Variants in PCYT1B observed in about 807,000 individuals in gnomAD.
PCYT1B encodes choline-phosphate cytidylyltransferase B.
PCYT1B carries 10 observed loss-of-function variants against 26.4 expected under a neutral mutation model. The ratio of observed to expected loss-of-function variants is 0.38; its 90% CI spans 0.23 to 0.64. The LOEUF (loss-of-function observed/expected upper bound fraction) is 0.64. Among genes scored for constraint, PCYT1B ranks in the 30% least tolerant of loss-of-function variants. The probability of loss-of-function intolerance (pLI) is 0.56; values close to 1 mark genes in which losing one functional copy is unlikely to be tolerated. For synonymous variants in PCYT1B, 131 were observed against 108.4 expected, an observed-to-expected ratio of 1.21 and a Z score of -1.29; for missense variants, 161 against 292.7, an observed-to-expected ratio of 0.55 and a Z score of 3.28.
At chrX:24,641,159 C>A in intron 1 of PCYT1B, among the ~76,000 whole-genome samples, 1 of 111,749 alleles carries the variant, frequency 8.9e-6, no homozygotes, top group East Asian at 2.8e-4. Flanking sequence ...GTCTTGAACT[C>A]CTGACCTCAA....
chrX:24,616,764 A>AAG (rs1925513293), intron 2 of PCYT1B, among the ~76,000 whole-genome samples: 2 of 111,974 alleles, frequency 1.8e-5, no homozygotes, highest in South Asian at 7.5e-4. Context: ...CCTGGGAACA[A>AAG]CAGCTTTGGC....
At chrX:24,630,354 G>A (rs1222790528) in intron 1 of PCYT1B, among the ~76,000 whole-genome samples, 1 of 111,526 alleles carries the variant, frequency 9.0e-6, no homozygotes, top group Non-Finnish European at 1.9e-5. Context: ...GGAGTGCAGT[G>A]GCGCGATCTC....
intron 7 of PCYT1B, among the ~76,000 whole-genome samples, chrX:24,563,332 G>A (rs1271705346): frequency 1.8e-5 from 2 of 111,758 alleles, no homozygotes; most frequent in Non-Finnish European, 3.8e-5. Context: ...CTGAGAAAAC[G>A]CTTCTTGAGT....
intron 1 of PCYT1B, among the ~76,000 whole-genome samples, chrX:24,643,334 C>T (rs1926524502): frequency 9.0e-6 from 1 of 111,665 alleles, no homozygotes; most frequent in South Asian, 3.8e-4. Context: ...CTCAGTTTCT[C>T]ATCTTGACAG....
chrX:24,631,575 C>T (rs1203967886), intron 1 of PCYT1B, among the ~76,000 whole-genome samples: 2 of 112,083 alleles, frequency 1.8e-5, no homozygotes, highest in African/African-American at 3.2e-5. Flanking sequence ...GAAGCATTTT[C>T]GCATTCTCCT....
intron 3 of PCYT1B, among the ~76,000 whole-genome samples, chrX:24,593,788 AAGTGCTGGGATTATAGGC>A (rs2148237183): frequency 9.0e-6 from 1 of 110,632 alleles, no homozygotes; most frequent in South Asian, 3.8e-4. Context: ...CAGCCTCCCA[AAGTGCTGGGATTATAGGC>A]GTGAGCCACC....
chrX:24,609,367 C>T (rs971440426), intron 2 of PCYT1B, among the ~76,000 whole-genome samples: 4 of 111,339 alleles, frequency 3.6e-5, no homozygotes, highest in Non-Finnish European at 7.5e-5. Context: ...GACAGGGTTT[C>T]ACCATGGTGG....
chrX:24,584,242 T>A (rs1232473457), intron 5 of PCYT1B, among the ~76,000 whole-genome samples: 1 of 111,575 alleles, frequency 9.0e-6, no homozygotes, highest in Non-Finnish European at 1.9e-5. Flanking sequence ...GGTGGGAGGA[T>A]CGCCTGAGCC....
chrX:24,645,379 CATATAT>C (rs925669677), intron 1 of PCYT1B, among the ~76,000 whole-genome samples: 2 of 107,894 alleles, frequency 1.9e-5, no homozygotes, highest in Non-Finnish European at 1.9e-5. Context: ...TGTGTATATA[CATATAT>C]ATATATACAC....
upstream of PCYT1B, chrX:24,672,769 C>T (rs749139188): frequency 1.8e-5 from 8 of 456,294 alleles, no homozygotes; most frequent in East Asian, 3.6e-5. Context: ...AAGATAAGCT[C>T]GGAGGAGCTC....
At chrX:24,623,967 CTT>C (rs1347821643) in intron 1 of PCYT1B, among the ~76,000 whole-genome samples, 35 of 85,232 alleles carry the variant, frequency 4.1e-4, no homozygotes, top group African/African-American at 1.3e-3. Context: ...CTAAGCTATA[CTT>C]TTTTTTTTTT....
intron 1 of PCYT1B, among the ~76,000 whole-genome samples, chrX:24,638,911 G>A (rs987740101): frequency 2.7e-5 from 3 of 112,522 alleles, no homozygotes; most frequent in African/African-American, 6.5e-5. Context: ...CAGGTTTCCC[G>A]AAACAATGAA....
Position 24,667,553 on chromosome X carries a change from C to A in PCYT1B, c.63+5017G>T, listed in dbSNP as rs772324314. 5.4e-5 allele frequency among the ~76,000 whole-genome samples: 6 copies of A among 110,319 alleles called. No individual in the cohort carries two copies. In the South Asian group the frequency reaches 2.4e-3, roughly 44 times the overall value. On this transcript the variant is annotated intron_variant, in intron 1 of 7. Transcript: ENST00000379145. ...CCAACATGGTGAAATCCCGTCTCTA[C>A]TAAAAGTACAAAAATTAGCTGGGCA...
chrX:24,660,481 C>A (rs1421320322), intron 1 of PCYT1B, among the ~76,000 whole-genome samples: 1 of 111,113 alleles, frequency 9.0e-6, no homozygotes, highest in African/African-American at 3.3e-5. Context: ...AGTTCGAAAC[C>A]AGCCTGGCCA....
intron 1 of PCYT1B, among the ~76,000 whole-genome samples, chrX:24,664,314 C>G (rs1927083967): frequency 9.0e-6 from 1 of 111,640 alleles, no homozygotes; most frequent in Non-Finnish European, 1.9e-5. Flanking sequence ...TTCTTCTTAC[C>G]TAACGCATAC....
At chrX:24,623,364 CATATATATATAT>C (rs57642734) in intron 1 of PCYT1B, among the ~76,000 whole-genome samples, 86 of 79,673 alleles carry the variant, frequency 1.1e-3, no homozygotes, top group Middle Eastern at 0.015. Context: ...ATGAGATTTA[CATATATATATAT>C]ATATATATAT....
intron 1 of PCYT1B, among the ~76,000 whole-genome samples, chrX:24,656,819 A>G (rs1240418117): frequency 9.0e-6 from 1 of 110,901 alleles, no homozygotes; most frequent in Non-Finnish European, 1.9e-5. Flanking sequence ...GGCGTGAGCC[A>G]CTGCGCCAGG....
At chrX:24,637,509 T>TATATATATATATATATATATATAAATAA (rs779316769) in intron 1 of PCYT1B, among the ~76,000 whole-genome samples, 22 of 64,038 alleles carry the variant, frequency 3.4e-4, no homozygotes, top group African/African-American at 1.8e-3. Context: ...TATATATATA[T>TATATATATATATATATATATATAAATAA]ATAAATTAGC....
At chrX:24,607,930 G>A (rs913733057) in intron 2 of PCYT1B, 69 bp from the exon 3 acceptor site, 10 of 555,645 alleles carry the variant, frequency 1.8e-5, no homozygotes, top group South Asian at 6.0e-5. Context: ...TCTATCAGTC[G>A]TAAGAAACTT....
Sources: allele counts gnomAD v4.1 joint callset (sites outside exome capture counted in the v4.1 genomes callset), GRCh38; gene constraint gnomAD v4.1.1; transcripts MANE v1.5; gene names NCBI Gene and HGNC (gene_info 2026-07-23, HGNC 2026-07-21).